SPATA6: variants seen among roughly 807,000 people sequenced by gnomAD.
The protein encoded by SPATA6 is spermatogenesis-associated protein 6.
A neutral mutation model predicts 65.3 loss-of-function variants in SPATA6; 56 were observed. The ratio of observed to expected loss-of-function variants is 0.86; its 90% confidence interval spans 0.69 to 1.07. The LOEUF (loss-of-function observed/expected upper bound fraction) is 1.07, where lower values mean the gene tolerates loss of function less well. Among genes scored for constraint, SPATA6 ranks in the 50% least tolerant of loss-of-function variants. The pLI is 0.00. For missense variants in SPATA6, 590 were observed against 594.8 expected, an observed-to-expected ratio of 0.99 and a Z score of 0.08; for synonymous variants, 199 against 213.2, an observed-to-expected ratio of 0.93 and a Z score of 0.58.
In SPATA6 at chr1:48,399,636, A is replaced by G. The variant is rs1650969891; in HGVS notation, c.495T>C (p.Phe165=). 1 of 1,585,618 alleles carries G rather than the reference A, an allele frequency of 6.3e-7. No homozygotes were observed. The highest frequency in any genetic ancestry group is 1.2e-5 in the South Asian group (1 of 85,758). ...TTTCAACTGGAGCCAAATGGTAAAT[A>G]AATTTATCCTAAACATAAAAAATAA... The part of the protein sequence containing the change: ...SSRKCHTQDK[F]IYHLAPVEKS... The change falls in exon 7 of 13, where the codon TTT becomes TTC. Residue 165 remains phenylalanine, a synonymous_variant. Coordinates refer to ENST00000371847, the MANE Select transcript of SPATA6 (RefSeq NM_019073.4).
At chr1:48,263,822 TTTGTTGTTG>T in the SPATA6 span, among the ~76,000 whole-genome samples, 1 of 152,202 alleles carries the variant, frequency 6.6e-6, no homozygotes, top group East Asian at 1.9e-4. Flanking sequence ...GAAGCCAGTT[TTTGTTGTTG>T]TTGTTGTTGT....
At chr1:48,446,599 A>C (rs1656073517) in intron 3 of SPATA6, among the ~76,000 whole-genome samples, 1 of 152,236 alleles carries the variant, frequency 6.6e-6, no homozygotes, top group South Asian at 2.1e-4. Context: ...TTAAGGGTTT[A>C]AGTCAATTTC....
At chr1:48,349,865 C>G (rs529794343) in intron 11 of SPATA6, among the ~76,000 whole-genome samples, 2 of 152,006 alleles carry the variant, frequency 1.3e-5, no homozygotes, top group East Asian at 3.9e-4. Flanking sequence ...TCACCATTCA[C>G]CAATGAAGGG....
intron 3 of SPATA6, among the ~76,000 whole-genome samples, chr1:48,442,717 T>TAA (rs71056669): frequency 0.031 from 1,454 of 46,224 alleles, 131 homozygotes; most frequent in Non-Finnish European, 0.038. Flanking sequence ...ATGGAAGTAG[T>TAA]AAAAAAAAAA....
intron 3 of SPATA6, 45 bp from the exon 4 acceptor site, chr1:48,413,196 CA>C (rs750429772): frequency 2.6e-5 from 30 of 1,154,706 alleles, no homozygotes; most frequent in East Asian, 6.8e-5. Context: ...AAATTAATAA[CA>C]AAAAAATTAC....
At chr1:48,464,497 G>A (rs1024131545) in intron 1 of SPATA6, among the ~76,000 whole-genome samples, 2 of 152,154 alleles carry the variant, frequency 1.3e-5, no homozygotes, top group African/African-American at 4.8e-5. Context: ...ATGCTCATAG[G>A]AGCACAATTT....
At chr1:48,389,928 GACAA>G (rs1238591486) in intron 8 of SPATA6, among the ~76,000 whole-genome samples, 2 of 151,918 alleles carry the variant, frequency 1.3e-5, no homozygotes, top group African/African-American at 4.8e-5. Context: ...AAACCACAAT[GACAA>G]ACAATAAGAG....
intron 9 of SPATA6, among the ~76,000 whole-genome samples, chr1:48,375,212 G>A: frequency 6.6e-6 from 1 of 152,122 alleles, no homozygotes; most frequent in East Asian, 1.9e-4. Context: ...CTCAATCACT[G>A]AGTTTCCCTG....
chr1:48,428,875 G>GTGTGTGTGTGTGTGTGTT (rs1654131798), intron 3 of SPATA6, among the ~76,000 whole-genome samples: 3 of 68,622 alleles, frequency 4.4e-5, no homozygotes, highest in Admixed American at 1.6e-4. Context: ...ATACACGTGT[G>GTGTGTGTGTGTGTGTGTT]TGTGTGTGTG....
intron 11 of SPATA6, among the ~76,000 whole-genome samples, chr1:48,318,219 T>TA (rs1367411144): frequency 1.3e-5 from 2 of 152,110 alleles, no homozygotes; most frequent in Admixed American, 1.3e-4. Context: ...AGATCAGGAA[T>TA]AAAACAAGGA....
chr1:48,423,433 G>A (rs1413478619), intron 3 of SPATA6, among the ~76,000 whole-genome samples: 2 of 147,402 alleles, frequency 1.4e-5, no homozygotes, highest in Non-Finnish European at 1.5e-5. Flanking sequence ...TCCAGCCTGG[G>A]CAACAAAAGC....
chr1:48,367,852 G>T (rs566097200), intron 9 of SPATA6, among the ~76,000 whole-genome samples: 17 of 152,122 alleles, frequency 1.1e-4, no homozygotes, highest in Non-Finnish European at 2.1e-4. Flanking sequence ...ATGTTATCTG[G>T]TTATTTTGCT....
At chr1:48,279,354 G>C in the SPATA6 span, among the ~76,000 whole-genome samples, 1 of 152,104 alleles carries the variant, frequency 6.6e-6, no homozygotes, top group African/African-American at 2.4e-5. Context: ...ATGTAAATGG[G>C]CTAAATGCTC....
At chr1:48,375,085 G>C (rs1241074450) in intron 9 of SPATA6, among the ~76,000 whole-genome samples, 1 of 152,104 alleles carries the variant, frequency 6.6e-6, no homozygotes, top group Non-Finnish European at 1.5e-5. Context: ...CTTCAACTTA[G>C]AAATACCAAA....
intron 11 of SPATA6, among the ~76,000 whole-genome samples, chr1:48,328,772 C>CT (rs1272195492): frequency 6.6e-6 from 1 of 151,984 alleles, no homozygotes; most frequent in Non-Finnish European, 1.5e-5. Context: ...CTTAACAAAG[C>CT]TTTTTTAAAA....
chr1:48,453,098 C>G lies in SPATA6; in HGVS notation c.85G>C (p.Glu29Gln). Residue 29 changes from glutamate to glutamine, a missense_variant, in exon 2 of 13, where the codon GAG (glutamate) becomes CAG (glutamine). Transcript: ENST00000371847. ...ACACAGATGCTAAGATAGATGTCCT[C>G]TTTGTCTTTAAGCACGACTCCTGGG... is the stretch of plus-strand genomic sequence containing the variant. ...TCPGVVLKDK[E>Q]DIYLSICVFG... 1.9e-6 allele frequency: 3 copies of G among 1,613,458 alleles called. No homozygotes were observed. Among genetic ancestry groups the G allele is most frequent in the Non-Finnish European group, 8.5e-7 (1 of 1,179,774 alleles).
intron 11 of SPATA6, chr1:48,325,746 G>A (rs181507519): frequency 2.8e-4 from 144 of 509,350 alleles, no homozygotes; most frequent in Middle Eastern, 1.9e-3. Flanking sequence ...AGTATCTCGC[G>A]CAAGGTGTAT....
intron 5 of SPATA6, among the ~76,000 whole-genome samples, chr1:48,405,976 C>A (rs929021879): frequency 6.6e-6 from 1 of 152,008 alleles, no homozygotes; most frequent in African/African-American, 2.4e-5. Context: ...TAAATAAAAT[C>A]CTGGTATAGA....
intron 12 of SPATA6, among the ~76,000 whole-genome samples, chr1:48,302,283 A>G (rs1644958051): frequency 6.6e-6 from 1 of 152,198 alleles, no homozygotes; most frequent in East Asian, 1.9e-4. Context: ...ATAATGGCGA[A>G]TCTGGGCTTT....
Sources: gnomAD v4.1 joint callset for allele counts (sites outside exome capture counted in the v4.1 genomes callset) on GRCh38, gnomAD v4.1.1 for gene constraint, MANE v1.5 for transcripts, NCBI Gene and HGNC (gene_info 2026-07-23, HGNC 2026-07-21) for gene names.